UPP2: variants seen among roughly 807,000 people sequenced by gnomAD.
UPP2 encodes the protein uridine phosphorylase 2, also known as UPase 2.
UPP2 carries 23 observed loss-of-function variants against 26.7 expected under a neutral mutation model. The observed-to-expected ratio is 0.86, with a 90% CI of 0.62 to 1.22. UPP2 has a LOEUF of 1.22. UPP2 is among the 50% of genes most tolerant of loss of function. UPP2 has a pLI of 0.00. For synonymous variants in UPP2, 127 were observed against 141.3 expected (o/e 0.90, Z 0.72); for missense variants, 387 against 396.7 (o/e 0.98, Z 0.21).
At chr2:158,098,465 C>T (rs1683021903), upstream of UPP2, among the ~76,000 whole-genome samples, 1 of 152,106 alleles carries the variant, frequency 6.6e-6, no homozygotes. Flanking sequence ...CAGATGGGGC[C>T]AGCTGCATCT....
chr2:157,995,291 G>C (rs13414112), intron 2 of UPP2: 46,715 of 1,608,040 alleles, frequency 0.029, 1,335 homozygotes, highest in African/African-American at 0.14. Context: ...ATACATTCAT[G>C]TCTAAGCACA....
At chr2:158,064,127 G>A (rs1260695344) in intron 3 of UPP2, among the ~76,000 whole-genome samples, 1 of 152,156 alleles carries the variant, frequency 6.6e-6, no homozygotes, top group Non-Finnish European at 1.5e-5. Context: ...GGGATTGCTG[G>A]GTCAAATGGT....
intron 2 of UPP2, among the ~76,000 whole-genome samples, chr2:158,110,350 C>A (rs571906592): frequency 3.2e-4 from 49 of 152,302 alleles, no homozygotes; most frequent in Middle Eastern, 3.4e-3. Flanking sequence ...CTTTTTATGG[C>A]TGCATAGTAT....
intron 2 of UPP2, among the ~76,000 whole-genome samples, chr2:158,111,898 C>T (rs1246460982): frequency 1.3e-5 from 2 of 152,002 alleles, no homozygotes; most frequent in African/African-American, 2.4e-5. Context: ...ATCAAATAAA[C>T]AAAAGAAGTG....
At chr2:158,051,540 C>T (rs560908656) in intron 3 of UPP2, among the ~76,000 whole-genome samples, 3 of 152,150 alleles carry the variant, frequency 2.0e-5, no homozygotes, top group South Asian at 4.1e-4. Context: ...CCCAGCACTT[C>T]GAGAGGCTTA....
chr2:158,048,832 A>G (rs1201223487), intron 3 of UPP2, among the ~76,000 whole-genome samples: 2 of 152,222 alleles, frequency 1.3e-5, no homozygotes, highest in Non-Finnish European at 2.9e-5. Context: ...GGAAGGCAGA[A>G]AGCCACATGA....
rs201127057 is a variant in UPP2, at chr2:158,123,906, C to T, written c.811+11C>T. 400 of 1,610,692 alleles carry T rather than the reference C, an allele frequency of 2.5e-4. 1 individual carries two copies. The African/African-American group carries it at 4.6e-3, about 18-fold the overall frequency. ...TCTGTGGTCTAAAAGGTAAGCTTTTCGTGAATGCTTAGGGTCAAATTCTCC... is the reference window on the plus strand; with the variant it reads ...TCTGTGGTCTAAAAGGTAAGCTTTTTGTGAATGCTTAGGGTCAAATTCTCC... On this transcript the variant is annotated intron_variant, in intron 6 of 6. Coordinates refer to ENST00000005756, the MANE Select transcript of UPP2 (RefSeq NM_173355.4).
At chr2:157,996,603 G>C (rs1574236880) in intron 2 of UPP2, among the ~76,000 whole-genome samples, 1 of 152,222 alleles carries the variant, frequency 6.6e-6, no homozygotes, top group South Asian at 2.1e-4. Context: ...GATTTACTAT[G>C]GCCTTCTAGA....
At chr2:158,086,163 C>T (rs545017937) in intron 3 of UPP2, among the ~76,000 whole-genome samples, 1 of 152,048 alleles carries the variant, frequency 6.6e-6, no homozygotes, top group Middle Eastern at 3.4e-3. Flanking sequence ...TTTTAATTAC[C>T]ATTTATCTCT....
chr2:158,131,607 G>C (rs1017614281), intron 6 of UPP2, among the ~76,000 whole-genome samples: 4 of 152,188 alleles, frequency 2.6e-5, no homozygotes, highest in Non-Finnish European at 4.4e-5. Context: ...GTGCATCCAA[G>C]CTCCATGTTC....
intron 3 of UPP2, among the ~76,000 whole-genome samples, chr2:158,044,779 G>T (rs1684128632): frequency 6.6e-6 from 1 of 152,148 alleles, no homozygotes; most frequent in African/African-American, 2.4e-5. Context: ...CAGAGAGACG[G>T]TAACCAGAGA....
chr2:158,122,814 G>A (rs997083679), intron 5 of UPP2, among the ~76,000 whole-genome samples: 6 of 152,118 alleles, frequency 3.9e-5, no homozygotes, highest in African/African-American at 9.7e-5. Flanking sequence ...CCAGACACTC[G>A]CATCGACATT....
intron 4 of UPP2, among the ~76,000 whole-genome samples, chr2:158,119,869 G>T (rs2105226057): frequency 6.6e-6 from 1 of 151,846 alleles, no homozygotes; most frequent in African/African-American, 2.4e-5. Flanking sequence ...AAATTAGTTA[G>T]GTGTGGGTGT....
intron 1 of UPP2, among the ~76,000 whole-genome samples, chr2:158,104,938 A>G (rs1430577559): frequency 2.4e-4 from 11 of 46,232 alleles, no homozygotes; most frequent in African/African-American, 1.6e-3. Flanking sequence ...AAGGGAAGGG[A>G]AGGGAAGGGA....
chr2:158,003,860 G>A (rs1259632633), intron 2 of UPP2, among the ~76,000 whole-genome samples: 1 of 152,170 alleles, frequency 6.6e-6, no homozygotes. Context: ...GCTTGTGTGT[G>A]TGTATGTGTA....
At chr2:158,004,441 C>T (rs1471829028) in intron 2 of UPP2, among the ~76,000 whole-genome samples, 1 of 152,034 alleles carries the variant, frequency 6.6e-6, no homozygotes, top group Non-Finnish European at 1.5e-5. Context: ...GATATTCACA[C>T]TAATTTTTCC....
chr2:158,075,451 C>A (rs911248721), intron 3 of UPP2, among the ~76,000 whole-genome samples: 24 of 151,834 alleles, frequency 1.6e-4, no homozygotes, highest in African/African-American at 5.8e-4. Context: ...CAAAATAAGT[C>A]TTAAAACATT....
intron 3 of UPP2, among the ~76,000 whole-genome samples, chr2:158,024,120 C>A (rs1200961842): frequency 6.6e-6 from 1 of 152,056 alleles, no homozygotes; most frequent in Non-Finnish European, 1.5e-5. Flanking sequence ...GAGGAGGGAC[C>A]CCAGCAACCT....
rs1574316651 is a variant in UPP2, at chr2:158,134,940, TTGTAATG to T, written c.*53_*59del. Reference sequence around the variant, plus strand: ...CTCCCCTGCAAGTTTGTAGCTCAAGTTGTAATGTGAAAGTCATATTTTATTTGTGGCA... The same window carrying T: ...CTCCCCTGCAAGTTTGTAGCTCAAGTTGAAAGTCATATTTTATTTGTGGCA... On this transcript the variant is annotated 3_prime_UTR_variant, in exon 7 of 7. Coordinates refer to ENST00000005756, the MANE Select transcript of UPP2 (RefSeq NM_173355.4). The T allele has an allele frequency of 2.6e-6, 4 of 1,544,526 alleles. No homozygotes were observed. The highest frequency in any genetic ancestry group is 1.7e-4 in the Middle Eastern group (1 of 5,746).
Sources: allele counts gnomAD v4.1 joint callset (sites outside exome capture counted in the v4.1 genomes callset), GRCh38; gene constraint gnomAD v4.1.1; transcripts MANE v1.5; gene names NCBI Gene and HGNC (gene_info 2026-07-23, HGNC 2026-07-21).